ISY1: variants seen among roughly 807,000 people sequenced by gnomAD.
The protein encoded by ISY1 is ISY1 spliceosome associated protein.
ISY1 carries 12 observed loss-of-function variants against 54.4 expected under a neutral mutation model. The observed-to-expected ratio is 0.22, with a 90% CI of 0.14 to 0.36. The LOEUF is 0.36. Among genes scored for constraint, ISY1 ranks in the 10% least tolerant of loss-of-function variants. ISY1 has a pLI of 1.00. For synonymous variants in ISY1, 96 were observed against 117.9 expected (o/e 0.81, Z 1.20); for missense variants, 282 against 342.2 (o/e 0.82, Z 1.39).
intron 5 of ISY1, among the ~76,000 whole-genome samples, chr3:129,154,218 G>A (rs1397814801): frequency 2.7e-5 from 4 of 147,552 alleles, no homozygotes; most frequent in African/African-American, 1.0e-4. Flanking sequence ...ACTCCAGCCT[G>A]GGTGACAGAG....
At chr3:129,148,079 T>C (rs527244431) in intron 5 of ISY1, among the ~76,000 whole-genome samples, 14 of 152,128 alleles carry the variant, frequency 9.2e-5, no homozygotes, top group Non-Finnish European at 1.5e-4. Flanking sequence ...CCTCCCACCT[T>C]GGTCTCCCAA....
At chr3:129,152,443 G>A (rs540599545) in intron 5 of ISY1, among the ~76,000 whole-genome samples, 18 of 150,346 alleles carry the variant, frequency 1.2e-4, no homozygotes, top group Admixed American at 9.3e-4. Context: ...TCGCTCTGTC[G>A]CCCAGGCTGG....
intron 6 of ISY1, among the ~76,000 whole-genome samples, chr3:129,142,854 A>C (rs543144299): frequency 6.6e-6 from 1 of 152,216 alleles, no homozygotes; most frequent in Non-Finnish European, 1.5e-5. Flanking sequence ...AGGGAGTTCG[A>C]GACCAGCCTG....
chr3:129,138,998 G>A (rs963559290), intron 7 of ISY1, among the ~76,000 whole-genome samples: 12 of 151,106 alleles, frequency 7.9e-5, no homozygotes, highest in Non-Finnish European at 1.5e-4. Flanking sequence ...GCAGTGGGAC[G>A]ATCTCGGCTC....
At chr3:129,151,731 G>A (rs1045593154) in intron 5 of ISY1, among the ~76,000 whole-genome samples, 1 of 151,862 alleles carries the variant, frequency 6.6e-6, no homozygotes, top group African/African-American at 2.4e-5. Flanking sequence ...TTACTTTACC[G>A]CACTGGCTAG....
At chr3:129,135,293 G>C (rs1039914152) in intron 7 of ISY1, among the ~76,000 whole-genome samples, 131 of 151,934 alleles carry the variant, frequency 8.6e-4, no homozygotes, top group African/African-American at 3.1e-3. Context: ...GCAGTGAGCC[G>C]AGATCACGCC....
At chr3:129,135,007 G>A (rs914633925) in intron 7 of ISY1, 53 bp from the exon 8 acceptor site, 8 of 1,554,938 alleles carry the variant, frequency 5.1e-6, no homozygotes, top group Middle Eastern at 1.7e-4. Context: ...ACACTCCAGC[G>A]AAGCTGTCTC....
At chr3:129,147,138 G>A (rs981657264) in intron 5 of ISY1, among the ~76,000 whole-genome samples, 7 of 151,958 alleles carry the variant, frequency 4.6e-5, no homozygotes, top group Non-Finnish European at 8.8e-5. Context: ...CTTTCGGGAG[G>A]CAGAGGAGGG....
chr3:129,145,875 T>G lies in ISY1; in HGVS notation c.188-2A>C. The G allele has an allele frequency of 6.2e-7, 1 of 1,613,800 alleles. No homozygotes were observed. On this transcript the variant is annotated splice_acceptor_variant, in intron 5 of 10. Coordinates refer to ENST00000393295, the MANE Select transcript of ISY1 (RefSeq NM_020701.4). LOFTEE classifies it high-confidence loss of function. Reference sequence around the variant, plus strand: ...GAATTCGAAATTCACCTAAACCAGCTAGAAAACAAAAAGGTTAACAATATC... The same window carrying G: ...GAATTCGAAATTCACCTAAACCAGCGAGAAAACAAAAAGGTTAACAATATC...
intron 5 of ISY1, among the ~76,000 whole-genome samples, chr3:129,149,636 T>TATAC (rs759382962): frequency 0.031 from 1,694 of 54,102 alleles, 259 homozygotes; most frequent in East Asian, 0.1. Context: ...TATATATATA[T>TATAC]ACACAAAAAA....
intron 6 of ISY1, among the ~76,000 whole-genome samples, chr3:129,143,740 A>C (rs548467985): frequency 6.6e-6 from 1 of 151,882 alleles, no homozygotes; most frequent in South Asian, 2.1e-4. Flanking sequence ...GAAAGCTACC[A>C]TTTTGAAAAG....
chr3:129,160,924 C>T, intron 1 of ISY1, 49 bp downstream of exon 1: 1 of 420,518 alleles, frequency 2.4e-6, no homozygotes, highest in Non-Finnish European at 4.7e-6. Context: ...GGGCGCCCCC[C>T]CGCCCGCCCG....
At chr3:129,153,153 G>A (rs949787227) in intron 5 of ISY1, among the ~76,000 whole-genome samples, 5 of 151,832 alleles carry the variant, frequency 3.3e-5, no homozygotes, top group African/African-American at 9.7e-5. Flanking sequence ...AGGATTACAC[G>A]CATGCGTCAC....
intron 7 of ISY1, among the ~76,000 whole-genome samples, chr3:129,138,644 A>C (rs1256343368): frequency 1.3e-5 from 2 of 151,504 alleles, no homozygotes; most frequent in Non-Finnish European, 2.9e-5. Context: ...ACTCCATCTC[A>C]AAAACAAAAA....
At position 129,145,820 on chromosome 3, in the gene ISY1, G is replaced by A. The variant is rs1936751416; in HGVS notation, c.241C>T (p.Leu81=). ...ACCTCCCAGTGTCCTTTCTCCCTTA[G>A]CAGCTTGTTAATTTCATCATTCAGG... is the stretch of plus-strand genomic sequence containing the variant. The part of the protein sequence containing the change: ...RDLNDEINKL[L]REKGHWEVRI... Residue 81 remains leucine (L), a synonymous_variant, in exon 6 of 11, where the codon CTA becomes TTA. Coordinates refer to ENST00000393295, the MANE Select transcript of ISY1 (RefSeq NM_020701.4). 3 of 1,614,064 alleles carry A rather than the reference G, an allele frequency of 1.9e-6. No homozygotes were observed. The highest frequency in any genetic ancestry group is 1.7e-6 in the Non-Finnish European group (2 of 1,180,018).
chr3:129,156,060 A>C (rs1224726754), intron 5 of ISY1, among the ~76,000 whole-genome samples: 3 of 151,980 alleles, frequency 2.0e-5, no homozygotes, highest in African/African-American at 7.2e-5. Context: ...TCTGCAGCCC[A>C]GAATATGTTT....
intron 1 of ISY1, 125 bp from the exon 2 acceptor site, chr3:129,159,301 G>T: frequency 1.6e-6 from 2 of 1,258,906 alleles, no homozygotes; most frequent in Non-Finnish European, 2.2e-6. Flanking sequence ...AGTACTATAT[G>T]AACAACAATA....
chr3:129,132,348 GA>G (rs931735635), intron 9 of ISY1, among the ~76,000 whole-genome samples: 2 of 151,544 alleles, frequency 1.3e-5, no homozygotes, highest in African/African-American at 2.4e-5. Context: ...TATTTGAAAA[GA>G]AAAAAAAATT....
rs200338338 is a variant in ISY1 at position 129,149,973 on chromosome 3, C to CA, written c.188-4101dup. On this transcript the variant is annotated intron_variant, in intron 5 of 10. Coordinates refer to ENST00000393295, the MANE Select transcript of ISY1 (RefSeq NM_020701.4). ...TGGGTGACAGAGAAAGGCTCTATCTCAAAAAAAAAAAAAAAAAAGAAAAAG... is the reference window on the plus strand; with the variant it reads ...TGGGTGACAGAGAAAGGCTCTATCTCAAAAAAAAAAAAAAAAAAAGAAAAAG... Among the ~76,000 whole-genome samples the CA allele has an allele frequency of 6.9e-3, 621 of 90,640 alleles. 5 individuals are homozygous for CA. Among genetic ancestry groups the CA allele is most frequent in the Middle Eastern group, 0.03 (4 of 134 alleles). The allele number at this position is 90,640 out of a possible 152,430, so 59.5% of individuals were successfully genotyped here.
Sources: allele counts gnomAD v4.1 joint callset (sites outside exome capture counted in the v4.1 genomes callset), GRCh38; gene constraint gnomAD v4.1.1; transcripts MANE v1.5; gene names NCBI Gene and HGNC (gene_info 2026-07-23, HGNC 2026-07-21).